Variants in OSTF1 observed in about 807,000 individuals in gnomAD.
OSTF1 encodes the protein osteoclast stimulating factor 1.
A neutral mutation model predicts 37.2 loss-of-function variants in OSTF1; 27 were observed. The ratio of observed to expected loss-of-function variants is 0.73; its 90% CI spans 0.54 to 1.00. The LOEUF is 1.00. Ranked by LOEUF, OSTF1 falls within the 50% of genes least tolerant of loss-of-function variation. OSTF1 has a pLI of 0.00. For synonymous variants in OSTF1, 82 were observed against 89.2 expected, an observed-to-expected ratio of 0.92 and a Z score of 0.46; for missense variants, 232 against 253.8, an observed-to-expected ratio of 0.91 and a Z score of 0.58.
At chr9:75,144,581 T>C (rs1825991368) in intron 9 of OSTF1, among the ~76,000 whole-genome samples, 1 of 152,124 alleles carries the variant, frequency 6.6e-6, no homozygotes, top group African/African-American at 2.4e-5. Flanking sequence ...GCTTTATCTT[T>C]CCTTCTCTCT....
rs911563003 is a variant in OSTF1, at chr9:75,088,602, A to G, written c.-91A>G. The G allele has an allele frequency of 1.7e-5, 24 of 1,400,842 alleles. No homozygotes were observed. Among genetic ancestry groups the G allele is most frequent in the East Asian group, 2.5e-5 (1 of 40,484 alleles). The allele number at this position is 1,400,842 out of a possible 1,614,324, so 86.8% of individuals were successfully genotyped here. A position where few individuals can be genotyped will look rare whatever the true frequency, so the allele number is the denominator to read the frequency against. On this transcript the variant is annotated 5_prime_UTR_variant, in exon 1 of 10. Transcript: ENST00000346234. ...GGAGGCGCACGGTTGTAAGCCAGAC[A>G]AAAAGAACTGGGGTGCCCGGAGTGC...
At chr9:75,135,386 T>G (rs1025414794) in intron 7 of OSTF1, among the ~76,000 whole-genome samples, 2 of 152,204 alleles carry the variant, frequency 1.3e-5, no homozygotes, top group Non-Finnish European at 2.9e-5. Context: ...GTTTTCAAAT[T>G]TTATGATGAT....
At chr9:75,104,729 G>T (rs113493744) in intron 1 of OSTF1, among the ~76,000 whole-genome samples, 93 of 152,256 alleles carry the variant, frequency 6.1e-4, no homozygotes, top group African/African-American at 2.2e-3. Context: ...TTATGGGCAC[G>T]TACAACACAT....
intron 2 of OSTF1, among the ~76,000 whole-genome samples, chr9:75,127,225 A>G (rs1825675197): frequency 6.6e-6 from 1 of 152,192 alleles, no homozygotes; most frequent in South Asian, 2.1e-4. Context: ...AGACATTTAT[A>G]TTTTTATGAA....
chr9:75,122,308 T>C (rs894107721), intron 2 of OSTF1, among the ~76,000 whole-genome samples: 1 of 152,162 alleles, frequency 6.6e-6, no homozygotes, highest in African/African-American at 2.4e-5. Context: ...AGAGCTGAGA[T>C]AGGAGCCCAG....
intron 7 of OSTF1, 55 bp from the exon 8 acceptor site, chr9:75,137,483 A>T (rs1825860790): frequency 8.6e-7 from 1 of 1,160,172 alleles, no homozygotes; most frequent in South Asian, 1.2e-5. Context: ...ATTAACATGT[A>T]CTTTCAATCC....
chr9:75,133,136 T>A (rs1445168480), intron 5 of OSTF1, among the ~76,000 whole-genome samples, 158 bp from the exon 6 acceptor site: 1 of 152,184 alleles, frequency 6.6e-6, no homozygotes, highest in East Asian at 1.9e-4. Flanking sequence ...GAAGTCAAAA[T>A]GTACCATAAT....
At chr9:75,094,801 T>C (rs1825043930) in intron 1 of OSTF1, among the ~76,000 whole-genome samples, 1 of 152,178 alleles carries the variant, frequency 6.6e-6, no homozygotes, top group Non-Finnish European at 1.5e-5. Context: ...CCTGGCACTT[T>C]GGGAGGCCCA....
At chr9:75,132,732 A>G (rs1825780000) in intron 5 of OSTF1, among the ~76,000 whole-genome samples, 1 of 152,210 alleles carries the variant, frequency 6.6e-6, no homozygotes. Context: ...ACTGACATTT[A>G]AAAAATTCTT....
At chr9:75,120,590 C>T (rs1021208375) in intron 2 of OSTF1, among the ~76,000 whole-genome samples, 2 of 152,110 alleles carry the variant, frequency 1.3e-5, no homozygotes, top group African/African-American at 2.4e-5. Flanking sequence ...TGTCCTTTCT[C>T]ACCGACCTCT....
At chr9:75,101,556 A>C (rs1021054048) in intron 1 of OSTF1, among the ~76,000 whole-genome samples, 11 of 152,210 alleles carry the variant, frequency 7.2e-5, no homozygotes, top group African/African-American at 2.7e-4. Flanking sequence ...GCTACATAAG[A>C]ACATTTGAAT....
chr9:75,088,806 G>A, intron 1 of OSTF1, 80 bp downstream of exon 1: 1 of 1,391,134 alleles, frequency 7.2e-7, no homozygotes, highest in Non-Finnish European at 1.0e-6. Flanking sequence ...TGGCAGGGAG[G>A]ACCCGGCGCG....
chr9:75,091,341 G>GTGGGA (rs1266861806), intron 1 of OSTF1, among the ~76,000 whole-genome samples: 2 of 152,012 alleles, frequency 1.3e-5, no homozygotes, highest in Non-Finnish European at 2.9e-5. Context: ...TTCCCAAAGT[G>GTGGGA]TGGGATCACT....
At chr9:75,141,768 G>C (rs983162355) in intron 9 of OSTF1, among the ~76,000 whole-genome samples, 8 of 151,934 alleles carry the variant, frequency 5.3e-5, no homozygotes, top group Admixed American at 1.3e-4. Flanking sequence ...TATTTTTTTA[G>C]ATGGAGTCTT....
intron 9 of OSTF1, among the ~76,000 whole-genome samples, chr9:75,145,834 G>C (rs4376558): frequency 0.26 from 38,787 of 151,954 alleles, 5,299 homozygotes; most frequent in East Asian, 0.41. Flanking sequence ...ACCCTTTCAC[G>C]TGATGCTGTC....
chr9:75,090,165 A>C (rs1824939861), intron 1 of OSTF1, among the ~76,000 whole-genome samples: 1 of 152,180 alleles, frequency 6.6e-6, no homozygotes, highest in African/African-American at 2.4e-5. Context: ...ATAGCTAAAC[A>C]ATATTTTATT....
At chr9:75,131,492 G>A (rs55758839) in intron 4 of OSTF1, among the ~76,000 whole-genome samples, 1 of 152,064 alleles carries the variant, frequency 6.6e-6, no homozygotes, top group South Asian at 2.1e-4. Flanking sequence ...ATTTAACTCA[G>A]GTATGCGGGT....
rs561510847 is a variant in OSTF1 at position 75,122,604 on chromosome 9, G to A, written c.82-4965G>A. Among the ~76,000 whole-genome samples the A allele has an allele frequency of 1.6e-4, 24 of 152,340 alleles. 1 individual carries two copies. The South Asian group carries it at 1.9e-3, about 12-fold the overall frequency. On this transcript the variant is annotated intron_variant, in intron 2 of 9. Transcript: ENST00000346234. ...TGGCTGTGTGTGATGCCTTTTGTATGAGAGAAAGCACAGGTGGTGGGTAAG... is the reference window on the plus strand; with the variant it reads ...TGGCTGTGTGTGATGCCTTTTGTATAAGAGAAAGCACAGGTGGTGGGTAAG...
intron 1 of OSTF1, among the ~76,000 whole-genome samples, chr9:75,109,366 G>A (rs929622746): frequency 1.3e-5 from 2 of 152,114 alleles, no homozygotes; most frequent in African/African-American, 4.8e-5. Context: ...AGCCACATTT[G>A]GCTTTGGCAA....
Sources: gnomAD v4.1 joint callset for allele counts (sites outside exome capture counted in the v4.1 genomes callset) on GRCh38, gnomAD v4.1.1 for gene constraint, MANE v1.5 for transcripts, NCBI Gene and HGNC (gene_info 2026-07-23, HGNC 2026-07-21) for gene names.